Variants in BCAS3 observed in about 807,000 individuals in gnomAD.
BCAS3 encodes BCAS4/BCAS3 fusion.
Under a neutral mutation model 116.1 loss-of-function variants are expected in BCAS3, and 53 were observed. The ratio of observed to expected loss-of-function variants is 0.46; its 90% CI spans 0.37 to 0.57. BCAS3 has a LOEUF of 0.57. BCAS3 is among the 20% of genes least tolerant of loss of function. The pLI is 0.00. For missense variants in BCAS3, 917 were observed against 1,165.4 expected, an observed-to-expected ratio of 0.79 and a Z score of 3.10; for synonymous variants, 391 against 408.2, an observed-to-expected ratio of 0.96 and a Z score of 0.51.
rs965214715 is a variant in BCAS3 at position 61,023,552 on chromosome 17, C to T, written c.1637+7651C>T. Among the ~76,000 whole-genome samples the T allele has an allele frequency of 5.9e-5, 9 of 152,042 alleles. No individual in the cohort carries two copies. The highest frequency in any genetic ancestry group is 2.2e-4 in the African/African-American group (9 of 41,394). On this transcript the variant is annotated intron_variant, in intron 16 of 23. Transcript: ENST00000407086. This position sits in a 1 kb window ranked among gnomAD's most constrained non-coding sequence, Gnocchi z 4.8. ...GGATTTCAAATCAAATCTAGTTTTG[C>T]TTTTTTCTCATATTAAAAAAATTCT...
At chr17:60,856,455 A>G (rs1354555641) in intron 7 of BCAS3, among the ~76,000 whole-genome samples, 1 of 152,140 alleles carries the variant, frequency 6.6e-6, no homozygotes, top group Admixed American at 6.5e-5. Flanking sequence ...TTCGGGGGCC[A>G]AGGCAGGTGG....
In BCAS3 at chr17:61,102,347, G is replaced by A. The variant is rs954900517; in HGVS notation, c.2425+17783G>A. 3.3e-5 allele frequency among the ~76,000 whole-genome samples: 5 copies of A among 152,160 alleles called. No individual in the cohort carries two copies. The East Asian group carries it at 5.8e-4, about 18-fold the overall frequency. On this transcript the variant is annotated intron_variant, in intron 22 of 23. Transcript: ENST00000407086. ...ATGCAGCTCATAGAGTTTCTCTCCT[G>A]TATGCATATTAAATGATATATAATG...
At chr17:61,292,574 C>A (rs1315069078) in intron 22 of BCAS3, among the ~76,000 whole-genome samples, 1 of 152,078 alleles carries the variant, frequency 6.6e-6, no homozygotes, top group African/African-American at 2.4e-5. Flanking sequence ...ATCGCTTGAA[C>A]CCAGGAGGCA....
At chr17:61,009,059 G>A (rs758762940) in intron 15 of BCAS3, among the ~76,000 whole-genome samples, 4 of 152,022 alleles carry the variant, frequency 2.6e-5, no homozygotes, top group African/African-American at 4.8e-5. Context: ...TAATACAGTC[G>A]TAGGAGTCTA....
chr17:60,760,248 T>G (rs1267460653), intron 6 of BCAS3, among the ~76,000 whole-genome samples: 3 of 152,214 alleles, frequency 2.0e-5, no homozygotes. Context: ...TGCATATTCT[T>G]TGTTCCTTTC....
chr17:61,177,946 T>G (rs894377867), intron 22 of BCAS3, among the ~76,000 whole-genome samples: 1 of 152,204 alleles, frequency 6.6e-6, no homozygotes, highest in Admixed American at 6.5e-5. Context: ...GTACATTACA[T>G]AAGACTATAT....
In BCAS3 at chr17:61,339,931, A is replaced by T. The variant is rs2057019347; in HGVS notation, c.2426-28396A>T. Among the ~76,000 whole-genome samples, 1 of 152,216 alleles carries T rather than the reference A, an allele frequency of 6.6e-6. No homozygotes were observed. The highest frequency in any genetic ancestry group is 1.5e-5 in the Non-Finnish European group (1 of 68,042). On this transcript the variant is annotated intron_variant, in intron 22 of 23. Transcript: ENST00000407086. The surrounding 1 kb of genome is among the most constrained non-coding windows in gnomAD (Gnocchi z 4.4). ...AGCACACTTGACCTGCTGAAAGATG[A>T]GGCCAGATGATAACTGAGAAATGGC...
chr17:61,369,665 G>A (rs57160748), intron 23 of BCAS3, among the ~76,000 whole-genome samples: 15,367 of 152,222 alleles, frequency 0.1, 2,391 homozygotes, highest in African/African-American at 0.34. Flanking sequence ...TGGCCTGCCC[G>A]TGGTGCTCCT....
intron 7 of BCAS3, among the ~76,000 whole-genome samples, chr17:60,852,144 T>C (rs2053228128): frequency 6.6e-6 from 1 of 152,150 alleles, no homozygotes; most frequent in Non-Finnish European, 1.5e-5. Context: ...GTTTTTTTTT[T>C]TATTATACTT....
chr17:61,152,293 C>T (rs2077584072), intron 22 of BCAS3, among the ~76,000 whole-genome samples: 1 of 152,022 alleles, frequency 6.6e-6, no homozygotes, highest in Non-Finnish European at 1.5e-5. Flanking sequence ...TTTTTCAATC[C>T]TCCCTGCCCT....
At chr17:60,749,200 T>C (rs529959935) in intron 6 of BCAS3, among the ~76,000 whole-genome samples, 13 of 152,346 alleles carry the variant, frequency 8.5e-5, no homozygotes, top group African/African-American at 2.9e-4. Context: ...GTGGGAGATA[T>C]TGTCTGTCTT....
At chr17:61,060,400 G>C (rs113974687) in intron 19 of BCAS3, among the ~76,000 whole-genome samples, 36 of 152,042 alleles carry the variant, frequency 2.4e-4, no homozygotes, top group African/African-American at 8.0e-4. Context: ...CTCCCAGAGT[G>C]CTGGGATTAC....
intron 17 of BCAS3, among the ~76,000 whole-genome samples, chr17:61,035,419 C>T (rs771697022): frequency 6.6e-6 from 1 of 151,860 alleles, no homozygotes; most frequent in Non-Finnish European, 1.5e-5. Flanking sequence ...CCCATCTCTA[C>T]TAAAAATACA....
intron 6 of BCAS3, among the ~76,000 whole-genome samples, chr17:60,759,158 G>C (rs2043273235): frequency 6.6e-6 from 1 of 152,066 alleles, no homozygotes; most frequent in South Asian, 2.1e-4. Context: ...ATTTTTAGTA[G>C]AGATGGGGTT....
intron 14 of BCAS3, among the ~76,000 whole-genome samples, chr17:60,972,642 G>C (rs1002695011): frequency 2.0e-5 from 3 of 151,766 alleles, no homozygotes; most frequent in Non-Finnish European, 2.9e-5. Flanking sequence ...TTTTTAGAGA[G>C]GCTGTTGCTA....
At chr17:60,715,441 T>G (rs1052935265) in intron 5 of BCAS3, among the ~76,000 whole-genome samples, 2 of 152,114 alleles carry the variant, frequency 1.3e-5, no homozygotes, top group Non-Finnish European at 2.9e-5. Flanking sequence ...ATCTACTAGT[T>G]ATTGTCATTT....
At chr17:60,689,609 A>T in intron 3 of BCAS3, 77 bp from the exon 4 acceptor site, 2 of 1,085,136 alleles carry the variant, frequency 1.8e-6, no homozygotes, top group Non-Finnish European at 2.7e-6. Context: ...TGTTGGCTTT[A>T]AGTCACTTTG....
chr17:60,689,680 A>G lies in BCAS3; in HGVS notation c.139-6A>G, dbSNP rs375041824. ...GTTTATTCAAATGTTTCTGTTTACTATGCAGGCTTACAGTGGAACACCTCT... is the reference window on the plus strand; with the variant it reads ...GTTTATTCAAATGTTTCTGTTTACTGTGCAGGCTTACAGTGGAACACCTCT... On this transcript the variant is annotated splice_polypyrimidine_tract_variant and splice_region_variant and intron_variant, in intron 3 of 23. Transcript: ENST00000407086. 1.2e-5 allele frequency: 19 copies of G among 1,581,190 alleles called. No homozygotes were observed. In the African/African-American group the frequency reaches 1.4e-4, roughly 11 times the overall value.
At position 61,309,085 on chromosome 17, in the gene BCAS3, G is replaced by A. The variant is rs780697223; in HGVS notation, c.2426-59242G>A. 6.6e-6 allele frequency among the ~76,000 whole-genome samples: 1 copy of A among 152,080 alleles called. No homozygotes were observed. Among genetic ancestry groups the A allele is most frequent in the Non-Finnish European group, 1.5e-5 (1 of 68,038 alleles). Reference sequence around the variant, plus strand: ...GGAATCCTCTTTCTTTCAGGAGTCCGTGATTCTTGACTGAAACAAGGGTTA... The same window carrying A: ...GGAATCCTCTTTCTTTCAGGAGTCCATGATTCTTGACTGAAACAAGGGTTA... On this transcript the variant is annotated intron_variant, in intron 22 of 23. Transcript: ENST00000407086. The surrounding 1 kb of genome is among the most constrained non-coding windows in gnomAD (Gnocchi z 4.6).
Sources: gnomAD v4.1 joint callset for allele counts (sites outside exome capture counted in the v4.1 genomes callset) on GRCh38, gnomAD v4.1.1 for gene constraint, Gnocchi (gnomAD v3.1) non-coding constraint, MANE v1.5 for transcripts, NCBI Gene and HGNC (gene_info 2026-07-23, HGNC 2026-07-21) for gene names.